The following SLC4A10 variants were observed in gnomAD, a reference collection of about 807,000 sequenced individuals.
SLC4A10 encodes solute carrier family 4 member 10.
SLC4A10 carries 42 observed loss-of-function variants against 137.7 expected under a neutral mutation model. The ratio of observed to expected loss-of-function variants is 0.30; its 90% CI spans 0.24 to 0.39. The LOEUF is 0.39. Ranked by LOEUF, SLC4A10 falls within the 10% of genes least tolerant of loss-of-function variation. SLC4A10 has a pLI of 1.00. For synonymous variants in SLC4A10, 474 were observed against 464.1 expected (o/e 1.02, Z -0.27); for missense variants, 925 against 1,355.0 (o/e 0.68, Z 4.98).
chr2:161,890,726 G>T (rs1228110863), intron 10 of SLC4A10, among the ~76,000 whole-genome samples: 2 of 152,072 alleles, frequency 1.3e-5, no homozygotes, highest in Non-Finnish European at 2.9e-5. Context: ...CACACCAATG[G>T]GTCTTGACTC....
chr2:161,679,686 C>CCTGT (rs71009335), intron 1 of SLC4A10, among the ~76,000 whole-genome samples: 1 of 136,694 alleles, frequency 7.3e-6, no homozygotes, highest in African/African-American at 2.7e-5. Context: ...TGTAGGTCAA[C>CCTGT]GTGTGTGTGT....
Position 161,645,501 on chromosome 2 carries a change from A to G in SLC4A10, c.48+20935A>G, listed in dbSNP as rs545443810. On this transcript the variant is annotated intron_variant, in intron 1 of 26. Coordinates refer to ENST00000446997, the MANE Select transcript of SLC4A10 (RefSeq NM_001178015.2). ...CTGATATTTTTCCCCAGTTTTCCCC[A>G]AGTGAATTAGTAATTATGTCATATT... Among the ~76,000 whole-genome samples the G allele has an allele frequency of 2.1e-4, 32 of 152,076 alleles. No homozygotes were observed. In the South Asian group the frequency reaches 6.6e-3, roughly 32 times the overall value.
rs535362005 is a variant in SLC4A10, at chr2:161,676,518, A to G, written c.48+51952A>G. Among the ~76,000 whole-genome samples the G allele has an allele frequency of 3.3e-5, 5 of 152,212 alleles. No homozygotes were observed. In the East Asian group the frequency reaches 9.7e-4, roughly 29 times the overall value. ...GTTATCTTTTCTATCTAGGAAACTCACTTTGTAGCTGAGACAGATTTTTAA... is the reference window on the plus strand; with the variant it reads ...GTTATCTTTTCTATCTAGGAAACTCGCTTTGTAGCTGAGACAGATTTTTAA... On this transcript the variant is annotated intron_variant, in intron 1 of 26. Coordinates refer to ENST00000446997, the MANE Select transcript of SLC4A10 (RefSeq NM_001178015.2).
At chr2:161,687,707 C>T (rs1310173518) in intron 1 of SLC4A10, among the ~76,000 whole-genome samples, 2 of 152,036 alleles carry the variant, frequency 1.3e-5, no homozygotes, top group Non-Finnish European at 2.9e-5. Context: ...GGGACCGGGT[C>T]GATGTAAGTG....
In SLC4A10 at chr2:161,649,002, AG is replaced by A. The variant is rs1166528670; in HGVS notation, c.48+24437del. Reference sequence around the variant, plus strand: ...CTAGATTTTCAGAAAATTGTCCTCCAGATTGGCTGACCCAATTTTTATGCAG... The same window carrying A: ...CTAGATTTTCAGAAAATTGTCCTCCAATTGGCTGACCCAATTTTTATGCAG... On this transcript the variant is annotated intron_variant, in intron 1 of 26. Transcript: ENST00000446997. 2.6e-5 allele frequency among the ~76,000 whole-genome samples: 4 copies of A among 152,308 alleles called. No homozygotes were observed. In the East Asian group the frequency reaches 7.7e-4, roughly 29 times the overall value.
At chr2:161,767,239 T>C (rs945507270) in intron 1 of SLC4A10, among the ~76,000 whole-genome samples, 7 of 134,872 alleles carry the variant, frequency 5.2e-5, no homozygotes, top group Non-Finnish European at 9.5e-5. Flanking sequence ...TATACACATA[T>C]ATATATATAT....
At chr2:161,836,526 GAGAGAGAAAGAAAGAA>G (rs1459557109) in intron 3 of SLC4A10, among the ~76,000 whole-genome samples, 9 of 74,828 alleles carry the variant, frequency 1.2e-4, no homozygotes, top group South Asian at 4.4e-4. Flanking sequence ...GAAAGAGAGA[GAGAGAGAAAGAAAGAA>G]AGAAAGAAAG....
At chr2:161,765,388 C>T (rs2050693360) in intron 1 of SLC4A10, among the ~76,000 whole-genome samples, 1 of 152,046 alleles carries the variant, frequency 6.6e-6, no homozygotes, top group South Asian at 2.1e-4. Flanking sequence ...AGGCGGATCA[C>T]CTGAGGTCAG....
rs1360162307 is a variant in SLC4A10, at chr2:161,836,532, GAAAGAAAGAAAGAAAGAA to G, written c.278-3255_278-3238del. ...AGAAAGAAAGAAAGAGAGAGAGAGA[GAAAGAAAGAAAGAAAGAA>G]AGAAAGAAAGAAAGAAAGAAAGAAA... On this transcript the variant is annotated intron_variant, in intron 3 of 26. Transcript: ENST00000446997. Among the ~76,000 whole-genome samples the G allele has an allele frequency of 1.5e-3, 14 of 9,068 alleles. 1 individual carries two copies. Among genetic ancestry groups the G allele is most frequent in the African/African-American group, 2.1e-3 (13 of 6,170 alleles). The allele number at this position is 9,068 out of a possible 152,430, so 5.9% of individuals were successfully genotyped here. A position where few individuals can be genotyped will look rare whatever the true frequency, so the allele number is the denominator to read the frequency against.
At chr2:161,775,586 A>G (rs948046103) in intron 2 of SLC4A10, among the ~76,000 whole-genome samples, 1 of 151,872 alleles carries the variant, frequency 6.6e-6, no homozygotes, top group Non-Finnish European at 1.5e-5. Flanking sequence ...AAACAATATG[A>G]AAGAGAATGC....
chr2:161,631,009 C>T (rs1387173823), intron 1 of SLC4A10, among the ~76,000 whole-genome samples: 3 of 151,726 alleles, frequency 2.0e-5, no homozygotes, highest in Non-Finnish European at 3.0e-5. Flanking sequence ...TGAAAGTACT[C>T]TGATACAAGG....
At chr2:161,744,701 G>T (rs1249790927) in intron 1 of SLC4A10, among the ~76,000 whole-genome samples, 2 of 152,018 alleles carry the variant, frequency 1.3e-5, no homozygotes, top group East Asian at 3.9e-4. Flanking sequence ...AACAAAAAAA[G>T]GAAAAGCAAA....
intron 6 of SLC4A10, among the ~76,000 whole-genome samples, chr2:161,866,396 C>T (rs1043734711): frequency 3.3e-5 from 5 of 151,936 alleles, no homozygotes; most frequent in Admixed American, 6.6e-5. Context: ...CTAGTTCACT[C>T]GTTTGAATAA....
chr2:161,939,575 G>A (rs1193044684), intron 15 of SLC4A10, among the ~76,000 whole-genome samples: 1 of 152,094 alleles, frequency 6.6e-6, no homozygotes, highest in African/African-American at 2.4e-5. Context: ...CACTTTGTAA[G>A]AGGAGATGAA....
chr2:161,677,956 C>A (rs998830545), intron 1 of SLC4A10, among the ~76,000 whole-genome samples: 2 of 152,084 alleles, frequency 1.3e-5, no homozygotes, highest in Non-Finnish European at 2.9e-5. Context: ...ATCACGTGGT[C>A]CTTCCTTTCT....
At chr2:161,962,261 A>G (rs1026359565) in intron 21 of SLC4A10, among the ~76,000 whole-genome samples, 1 of 152,150 alleles carries the variant, frequency 6.6e-6, no homozygotes, top group Non-Finnish European at 1.5e-5. Context: ...TCAGATATAT[A>G]CCCACATCTA....
intron 3 of SLC4A10, among the ~76,000 whole-genome samples, chr2:161,815,459 A>T (rs1559312058): frequency 6.6e-6 from 1 of 152,146 alleles, no homozygotes; most frequent in Non-Finnish European, 1.5e-5. Flanking sequence ...CTCCAGGCAT[A>T]TGGAGCTGTG....
chr2:161,641,094 G>A (rs541375675), intron 1 of SLC4A10, among the ~76,000 whole-genome samples: 9 of 152,006 alleles, frequency 5.9e-5, no homozygotes, highest in Admixed American at 1.3e-4. Context: ...CCTCAAAAAC[G>A]ACATTTTTTT....
intron 21 of SLC4A10, among the ~76,000 whole-genome samples, chr2:161,962,223 A>T (rs1227860232): frequency 6.6e-6 from 1 of 152,214 alleles, no homozygotes; most frequent in Non-Finnish European, 1.5e-5. Flanking sequence ...AACAGATCAC[A>T]GTGTTCTCAT....
Sources: gnomAD v4.1 joint callset for allele counts (sites outside exome capture counted in the v4.1 genomes callset) on GRCh38, gnomAD v4.1.1 for gene constraint, MANE v1.5 for transcripts, NCBI Gene and HGNC (gene_info 2026-07-23, HGNC 2026-07-21) for gene names.